The following LINGO2 variants were observed in gnomAD, a reference collection of about 807,000 sequenced individuals.
LINGO2 encodes leucine rich repeat and Ig domain containing 2, also known as leucine-rich repeat and immunoglobulin-like domain-containing nogo receptor-interacting protein 2.
Under a neutral mutation model 30.6 loss-of-function variants are expected in LINGO2, and 14 were observed. The ratio of observed to expected loss-of-function variants is 0.46; its 90% CI spans 0.30 to 0.72. The LOEUF is 0.72. Among genes scored for constraint, LINGO2 ranks in the 30% least tolerant of loss-of-function variants. The probability of loss-of-function intolerance (pLI) is 0.07; values close to 1 mark genes in which losing one functional copy is unlikely to be tolerated. For synonymous variants in LINGO2, 317 were observed against 288.5 expected, an observed-to-expected ratio of 1.10 and a Z score of -1.00; for missense variants, 729 against 751.7, an observed-to-expected ratio of 0.97 and a Z score of 0.35.
At chr9:28,085,675 G>A (rs1023228621) in intron 4 of LINGO2, among the ~76,000 whole-genome samples, 1 of 152,026 alleles carries the variant, frequency 6.6e-6, no homozygotes, top group African/African-American at 2.4e-5. Context: ...CGATCCCAGA[G>A]AATGAGGCAT....
chr9:28,154,029 T>A (rs1255717549), intron 4 of LINGO2, among the ~76,000 whole-genome samples: 1 of 152,176 alleles, frequency 6.6e-6, no homozygotes, highest in Non-Finnish European at 1.5e-5. Flanking sequence ...GAAAGACTCA[T>A]CATTTTTAAT....
the LINGO2 span, among the ~76,000 whole-genome samples, chr9:28,749,509 T>C: frequency 2.6e-5 from 4 of 152,094 alleles, no homozygotes; most frequent in Non-Finnish European, 4.4e-5. Context: ...AGTCAAATTG[T>C]CTGAATAAGC....
chr9:28,259,317 G>A (rs1319068143), intron 4 of LINGO2, among the ~76,000 whole-genome samples: 1 of 152,038 alleles, frequency 6.6e-6, no homozygotes, highest in Non-Finnish European at 1.5e-5. Context: ...GACTATGGTA[G>A]AATTGTGTTT....
intron 1 of LINGO2, among the ~76,000 whole-genome samples, chr9:28,552,886 A>T (rs1029250184): frequency 2.9e-4 from 38 of 130,172 alleles, no homozygotes; most frequent in African/African-American, 9.7e-4. Context: ...TTCCAACATT[A>T]AAAAAAAAAA....
chr9:28,817,719 T>C, the LINGO2 span, among the ~76,000 whole-genome samples: 248 of 152,178 alleles, frequency 1.6e-3, 2 homozygotes, highest in Non-Finnish European at 2.2e-4. Context: ...CCCACTGAGA[T>C]GGAACAATTG....
intron 4 of LINGO2, among the ~76,000 whole-genome samples, chr9:28,030,114 T>C (rs1478551665): frequency 2.0e-5 from 3 of 152,180 alleles, no homozygotes; most frequent in Non-Finnish European, 4.4e-5. Context: ...TAATTGGCTA[T>C]CACTGATCAT....
At chr9:29,035,247 T>A in the LINGO2 span, among the ~76,000 whole-genome samples, 1 of 152,126 alleles carries the variant, frequency 6.6e-6, no homozygotes, top group South Asian at 2.1e-4. Context: ...ATGAAGAAAC[T>A]GTAGTCCAGG....
the LINGO2 span, among the ~76,000 whole-genome samples, chr9:28,918,621 A>G: frequency 6.6e-6 from 1 of 152,194 alleles, no homozygotes; most frequent in Non-Finnish European, 1.5e-5. Flanking sequence ...ATGACACAGG[A>G]TTATTTAATT....
intron 1 of LINGO2, among the ~76,000 whole-genome samples, chr9:28,613,484 A>AACACACACAC (rs76554951): frequency 6.6e-6 from 1 of 150,818 alleles, no homozygotes; most frequent in Non-Finnish European, 1.5e-5. Context: ...CTACTATGAA[A>AACACACACAC]ACACACACAC....
chr9:28,019,756 A>G (rs1243609047), intron 4 of LINGO2, among the ~76,000 whole-genome samples: 2 of 152,054 alleles, frequency 1.3e-5, no homozygotes, highest in Non-Finnish European at 2.9e-5. Context: ...ATGTATATAT[A>G]TGTGTGTATA....
chr9:28,864,219 T>G, the LINGO2 span, among the ~76,000 whole-genome samples: 3 of 152,160 alleles, frequency 2.0e-5, no homozygotes. Flanking sequence ...TCTGCCCTTG[T>G]ACCCCTGAAC....
At chr9:28,398,793 A>T (rs1822151312) in intron 2 of LINGO2, among the ~76,000 whole-genome samples, 1 of 152,094 alleles carries the variant, frequency 6.6e-6, no homozygotes, top group Admixed American at 6.5e-5. Context: ...ATTTTTATTG[A>T]TTCAGGAAAT....
chr9:28,521,341 T>C (rs1442923954), intron 1 of LINGO2, among the ~76,000 whole-genome samples: 4 of 152,032 alleles, frequency 2.6e-5, no homozygotes, highest in African/African-American at 9.7e-5. Flanking sequence ...AGGGTATGAG[T>C]ACTAAAACTC....
At chr9:28,205,803 T>C (rs1317482359) in intron 4 of LINGO2, among the ~76,000 whole-genome samples, 1 of 152,186 alleles carries the variant, frequency 6.6e-6, no homozygotes, top group Non-Finnish European at 1.5e-5. Context: ...CATTTCCTTT[T>C]GTTCCAAGTC....
chr9:28,385,388 G>C (rs1227121771), intron 2 of LINGO2, among the ~76,000 whole-genome samples: 1 of 152,058 alleles, frequency 6.6e-6, no homozygotes, highest in East Asian at 1.9e-4. Context: ...TTCACATACA[G>C]GTTGATTTTA....
chr9:28,479,845 C>CTGTGTGTGTGTGTGTGTGTG (rs528584169), intron 1 of LINGO2, among the ~76,000 whole-genome samples: 2 of 60,136 alleles, frequency 3.3e-5, no homozygotes, highest in Non-Finnish European at 7.0e-5. Context: ...ACCATGTCAT[C>CTGTGTGTGTGTGTGTGTGTG]TGTGTGTGTG....
the LINGO2 span, among the ~76,000 whole-genome samples, chr9:28,918,665 T>C: frequency 6.6e-6 from 1 of 152,186 alleles, no homozygotes; most frequent in African/African-American, 2.4e-5. Flanking sequence ...GAAACATCAG[T>C]GTCAATACAC....
At chr9:28,511,382 G>A (rs1169969811) in intron 1 of LINGO2, among the ~76,000 whole-genome samples, 1 of 152,186 alleles carries the variant, frequency 6.6e-6, no homozygotes, top group Non-Finnish European at 1.5e-5. Context: ...CTCTGCTGCT[G>A]GAAAATGGGG....
At chr9:28,892,842 C>T in the LINGO2 span, among the ~76,000 whole-genome samples, 46 of 151,792 alleles carry the variant, frequency 3.0e-4, no homozygotes, top group South Asian at 3.7e-3. Flanking sequence ...GCTACAATGA[C>T]GAAAATGTTT....
Sources: gnomAD v4.1 joint callset for allele counts (sites outside exome capture counted in the v4.1 genomes callset) on GRCh38, gnomAD v4.1.1 for gene constraint, MANE v1.5 for transcripts, NCBI Gene and HGNC (gene_info 2026-07-23, HGNC 2026-07-21) for gene names.